Variants in SS18 observed in about 807,000 individuals in gnomAD.
SS18 encodes SS18 subunit of BAF chromatin remodeling complex.
SS18 carries 28 observed loss-of-function variants against 72.5 expected under a neutral mutation model. That is an observed-to-expected ratio of 0.39 (90% CI 0.29 to 0.53). The LOEUF is 0.53. SS18 is among the 20% of genes least tolerant of loss of function. SS18 has a pLI of 0.76. For missense variants in SS18, 518 were observed against 535.3 expected, an observed-to-expected ratio of 0.97 and a Z score of 0.32; for synonymous variants, 172 against 164.2, an observed-to-expected ratio of 1.05 and a Z score of -0.37.
At chr18:26,079,634 G>A (rs1235519504) in intron 2 of SS18, among the ~76,000 whole-genome samples, 1 of 152,184 alleles carries the variant, frequency 6.6e-6, no homozygotes, top group African/African-American at 2.4e-5. Flanking sequence ...AGGCTGGAGC[G>A]TGCAGTGGCG....
At chr18:26,061,793 A>G (rs1043929895) in intron 3 of SS18, among the ~76,000 whole-genome samples, 10 of 152,234 alleles carry the variant, frequency 6.6e-5, no homozygotes, top group African/African-American at 2.2e-4. Flanking sequence ...AGAACAAAAT[A>G]TATCAAGCTA....
rs533869970 is a variant in SS18, at chr18:26,052,716, C to T, written c.515G>A (p.Ser172Asn). ...GYNHSVPSSQ[S>N]MPVQNQMTMS... Reference sequence around the variant, plus strand: ...TGTCATCTGATTCTGTACTGGCATGCTCTGTGATGATGGCACAGAATGGTT... The same window carrying T: ...TGTCATCTGATTCTGTACTGGCATGTTCTGTGATGATGGCACAGAATGGTT... The change falls in exon 5 of 11, where the codon AGC becomes AAC. Residue 172 changes from serine to asparagine, a missense_variant. Ser to Asn is a conservative substitution (Grantham distance 46). Transcript: ENST00000415083. 1.9e-6 allele frequency: 3 copies of T among 1,614,116 alleles called. No individual in the cohort carries two copies. In the East Asian group the frequency reaches 6.7e-5, roughly 36 times the overall value.
At chr18:26,032,250 G>T in intron 10 of SS18, 149 bp downstream of exon 10, 1 of 884,848 alleles carries the variant, frequency 1.1e-6, no homozygotes, top group Non-Finnish European at 1.7e-6. Flanking sequence ...AATCTCAAAA[G>T]TGATACACTT....
intron 5 of SS18, among the ~76,000 whole-genome samples, chr18:26,046,413 T>A (rs2053825049): frequency 6.6e-6 from 1 of 152,124 alleles, no homozygotes; most frequent in African/African-American, 2.4e-5. Context: ...CAACATTTTA[T>A]CCTTTACACT....
At chr18:26,066,979 G>A (rs1053042387) in intron 3 of SS18, among the ~76,000 whole-genome samples, 4 of 152,118 alleles carry the variant, frequency 2.6e-5, no homozygotes, top group Non-Finnish European at 5.9e-5. Context: ...CTATTGAGTT[G>A]TCTTTCAATT....
At chr18:26,030,260 G>A (rs889150524) in intron 10 of SS18, among the ~76,000 whole-genome samples, 2 of 152,070 alleles carry the variant, frequency 1.3e-5, no homozygotes, top group Admixed American at 6.6e-5. Flanking sequence ...AACTACACAC[G>A]GTTTAACACT....
chr18:26,052,536 T>A (rs1407420082), intron 5 of SS18, 88 bp downstream of exon 5: 9 of 1,068,114 alleles, frequency 8.4e-6, no homozygotes, highest in Non-Finnish European at 1.3e-5. Flanking sequence ...TTTATTTTTA[T>A]GAACCAGCTA....
chr18:26,028,293 C>A (rs189454445), intron 10 of SS18, among the ~76,000 whole-genome samples: 3 of 152,260 alleles, frequency 2.0e-5, no homozygotes, highest in East Asian at 3.9e-4. Context: ...AAGACTGATT[C>A]ATACCAAATA....
intron 9 of SS18, 59 bp from the exon 10 acceptor site, chr18:26,032,591 G>A: frequency 3.2e-6 from 5 of 1,581,104 alleles, no homozygotes; most frequent in Non-Finnish European, 3.4e-6. Context: ...AGAACTCAGG[G>A]AAGGATGTGA....
Position 26,068,005 on chromosome 18 carries a change from T to C in SS18, c.231+10071A>G, listed in dbSNP as rs118037451. Among the ~76,000 whole-genome samples the C allele has an allele frequency of 8.4e-3, 1,285 of 152,268 alleles. 10 individuals are homozygous for C. Among genetic ancestry groups the C allele is most frequent in the Middle Eastern group, 0.031 (9 of 294 alleles). On this transcript the variant is annotated intron_variant, in intron 3 of 10. Transcript: ENST00000415083. ...GCACAGTTCACAATAGGGTTCACCTTCCTGAGAATCTAATGCTGCCACTGA... is the reference window on the plus strand; with the variant it reads ...GCACAGTTCACAATAGGGTTCACCTCCCTGAGAATCTAATGCTGCCACTGA...
chr18:26,060,756 C>T (rs2054104130), intron 3 of SS18, among the ~76,000 whole-genome samples: 1 of 88,806 alleles, frequency 1.1e-5, no homozygotes, highest in African/African-American at 4.0e-5. Flanking sequence ...GAAACTCTGT[C>T]TCTACTAAAA....
At chr18:26,083,748 G>A (rs781561485) in intron 2 of SS18, among the ~76,000 whole-genome samples, 16 of 152,204 alleles carry the variant, frequency 1.1e-4, no homozygotes, top group Middle Eastern at 3.4e-3. Context: ...ATTAGGTAGC[G>A]CATGATTGTA....
chr18:26,047,426 T>C lies in SS18; in HGVS notation c.607+5198A>G, dbSNP rs147299034. The stretch of plus-strand genomic sequence containing the variant: ...GTATTTTACTAGTAATTAGTAAATC[T>C]ATTAATACCATAACTTAGCAAATGC... On this transcript the variant is annotated intron_variant, in intron 5 of 10. Transcript: ENST00000415083. Among the ~76,000 whole-genome samples the C allele has an allele frequency of 2.2e-4, 33 of 152,142 alleles. 1 individual carries two copies. In the East Asian group the frequency reaches 6.4e-3, roughly 29 times the overall value.
chr18:26,067,563 A>G (rs1042369059), intron 3 of SS18, among the ~76,000 whole-genome samples: 2 of 152,148 alleles, frequency 1.3e-5, no homozygotes, highest in African/African-American at 2.4e-5. Flanking sequence ...GTATTTGGCA[A>G]CCATCAATGT....
chr18:26,057,320 C>A (rs960446609), intron 4 of SS18, among the ~76,000 whole-genome samples: 4 of 152,134 alleles, frequency 2.6e-5, no homozygotes, highest in African/African-American at 9.7e-5. Context: ...CTTCTAAAGC[C>A]AACTGTATTG....
At position 26,048,419 on chromosome 18, in the gene SS18, A is replaced by G. The variant is rs550237459; in HGVS notation, c.607+4205T>C. 3.3e-5 allele frequency among the ~76,000 whole-genome samples: 5 copies of G among 152,370 alleles called. No individual in the cohort carries two copies. The East Asian group carries it at 7.7e-4, about 23-fold the overall frequency. On this transcript the variant is annotated intron_variant, in intron 5 of 10. Coordinates refer to ENST00000415083, the MANE Select transcript of SS18 (RefSeq NM_001007559.3). ...AGAATGTTGCCATTTAAAAAATGAG[A>G]AAGATCTATATATACGAATAGCGGA...
At chr18:26,024,952 T>TA (rs71169804) in intron 10 of SS18, among the ~76,000 whole-genome samples, 152,206 of 152,206 alleles carry the variant, frequency 1, 76,103 homozygotes, top group Non-Finnish European at 1. Flanking sequence ...ACAAATATGT[T>TA]AAAGGATGAA....
intron 3 of SS18, among the ~76,000 whole-genome samples, chr18:26,072,865 A>C (rs2054340849): frequency 6.6e-6 from 1 of 151,298 alleles, no homozygotes; most frequent in African/African-American, 2.4e-5. Flanking sequence ...CCACAATTTG[A>C]CTTGTACATT....
At chr18:26,072,675 T>C (rs1394131916) in intron 3 of SS18, among the ~76,000 whole-genome samples, 1 of 151,278 alleles carries the variant, frequency 6.6e-6, no homozygotes, top group Non-Finnish European at 1.5e-5. Flanking sequence ...CGGGCGCCTG[T>C]AGTCCCAGCT....
Sources: gnomAD v4.1 joint callset for allele counts (sites outside exome capture counted in the v4.1 genomes callset) on GRCh38, gnomAD v4.1.1 for gene constraint, MANE v1.5 for transcripts, NCBI Gene and HGNC (gene_info 2026-07-23, HGNC 2026-07-21) for gene names.